Variants in PIP5K1C observed in about 807,000 individuals in gnomAD.
PIP5K1C encodes phosphatidylinositol 4-phosphate 5-kinase type-1 gamma.
A neutral mutation model predicts 80.1 loss-of-function variants in PIP5K1C; 45 were observed. The ratio of observed to expected loss-of-function variants is 0.56; its 90% CI spans 0.44 to 0.72. The LOEUF is 0.72. Among genes scored for constraint, PIP5K1C ranks in the 30% least tolerant of loss-of-function variants. The probability of loss-of-function intolerance (pLI) is 0.00; values close to 1 mark genes in which losing one functional copy is unlikely to be tolerated. For synonymous variants in PIP5K1C, 498 were observed against 420.1 expected, an observed-to-expected ratio of 1.19 and a Z score of -2.27; for missense variants, 753 against 954.6, an observed-to-expected ratio of 0.79 and a Z score of 2.78.
At chr19:3,667,471 G>T in intron 1 of PIP5K1C, 118 bp from the exon 2 acceptor site, 4 of 1,104,202 alleles carry the variant, frequency 3.6e-6, no homozygotes, top group East Asian at 2.4e-5. Context: ...TCCGCGTGGG[G>T]CTGGTCTCAA....
At chr19:3,664,623 C>T (rs553406884) in intron 3 of PIP5K1C, among the ~76,000 whole-genome samples, 199 bp downstream of exon 3, 11 of 152,344 alleles carry the variant, frequency 7.2e-5, no homozygotes, top group African/African-American at 2.6e-4. Context: ...GCTGCCCGGC[C>T]GCCCGGCAAG....
chr19:3,648,660 C>CA lies in PIP5K1C; in HGVS notation c.1175dup (p.His393AlafsTer90). ...GCAGGATGTCGATGATGCCAATGTGCAGCAGCAGCCGCTCCCCGCGGCCGT... is the reference window on the plus strand; with the variant it reads ...GCAGGATGTCGATGATGCCAATGTGCAAGCAGCAGCCGCTCCCCGCGGCCGT... On this transcript the variant is annotated frameshift_variant, in exon 9 of 18. Transcript: ENST00000335312. LOFTEE classifies it high-confidence loss of function. This position sits in a 1 kb window ranked among gnomAD's most constrained non-coding sequence, Gnocchi z 4.3. The CA allele has an allele frequency of 6.2e-7, 1 of 1,612,970 alleles. No individual in the cohort carries two copies. Among genetic ancestry groups the CA allele is most frequent in the Non-Finnish European group, 8.5e-7 (1 of 1,179,860 alleles).
intron 1 of PIP5K1C, among the ~76,000 whole-genome samples, chr19:3,686,237 G>C (rs1004559983): frequency 3.9e-5 from 6 of 152,046 alleles, no homozygotes; most frequent in Non-Finnish European, 7.4e-5. Context: ...CTAGCACTTT[G>C]GGAGGCCGAT....
At position 3,693,566 on chromosome 19, in the gene PIP5K1C, C is replaced by CCAGGCGG. The variant is rs544513479; in HGVS notation, c.94+6724_94+6730dup. Reference sequence around the variant, plus strand: ...TGCGTGAAGGGACATGCTGCCGGGGCCAGGCGGCAGGCGGCAGGCGGCAGG... The same window carrying CCAGGCGG: ...TGCGTGAAGGGACATGCTGCCGGGGCCAGGCGGCAGGCGGCAGGCGGCAGGCGGCAGG... On this transcript the variant is annotated intron_variant, in intron 1 of 17. Coordinates refer to ENST00000335312, the MANE Select transcript of PIP5K1C (RefSeq NM_012398.3). 5.9e-4 allele frequency among the ~76,000 whole-genome samples: 90 copies of CCAGGCGG among 152,332 alleles called. 2 individuals carry two copies. The South Asian group carries it at 0.013, about 23-fold the overall frequency.
chr19:3,685,263 ATG>A (rs1232769049), intron 1 of PIP5K1C, among the ~76,000 whole-genome samples: 1 of 152,196 alleles, frequency 6.6e-6, no homozygotes, highest in African/African-American at 2.4e-5. Context: ...AGCATTTCTA[ATG>A]TGTGTGCCCT....
intron 1 of PIP5K1C, among the ~76,000 whole-genome samples, chr19:3,678,654 AGATGGCGAGATGGAGG>A (rs1279224884): frequency 9.2e-4 from 77 of 83,862 alleles, no homozygotes; most frequent in African/African-American, 1.2e-3. Context: ...AGAGATGGAG[AGATGGCGAGATGGAGG>A]GATGGCGAGA....
Position 3,642,954 on chromosome 19 carries a change from C to T in PIP5K1C, c.1650-15G>A. The T allele has an allele frequency of 6.2e-7, 1 of 1,613,502 alleles. No homozygotes were observed. Among genetic ancestry groups the T allele is most frequent in the Non-Finnish European group, 8.5e-7 (1 of 1,179,820 alleles). The stretch of plus-strand genomic sequence containing the variant: ...GTGTGCGCCGCCTGCAGAGATACAG[C>T]AAACACGTGACACCCAGAAAGAGAG... On this transcript the variant is annotated splice_polypyrimidine_tract_variant and intron_variant, in intron 13 of 17. Coordinates refer to ENST00000335312, the MANE Select transcript of PIP5K1C (RefSeq NM_012398.3).
intron 1 of PIP5K1C, among the ~76,000 whole-genome samples, chr19:3,675,728 T>G (rs1410751265): frequency 4.6e-5 from 7 of 151,918 alleles, no homozygotes; most frequent in Admixed American, 3.9e-4. Flanking sequence ...CAAACCAGGA[T>G]CTCCCCCCTC....
In PIP5K1C at chr19:3,644,091, G is replaced by A. The variant is rs147371549; in HGVS notation, c.1506C>T (p.Asp502=). 1.6e-4 allele frequency: 264 copies of A among 1,610,844 alleles called. 1 individual carries two copies. In the East Asian group the frequency reaches 3.4e-3, roughly 21 times the overall value. ...RGARSYPTLE[D]EGRPDLLPCT... ...ACTCTGCCCTCTGCCCCTCACCTTC[G>A]TCCTCCAGCGTGGGGTAGCTGCGGG... Residue 502 remains aspartate (D), a synonymous_variant, in exon 12 of 18, where the codon GAC becomes GAT. Transcript: ENST00000335312.
intron 1 of PIP5K1C, among the ~76,000 whole-genome samples, chr19:3,691,244 G>A (rs533342645): frequency 2.3e-4 from 35 of 152,344 alleles, no homozygotes; most frequent in Admixed American, 2.1e-3. Context: ...AGATGGACGC[G>A]TCCTCCGCTG....
intron 1 of PIP5K1C, among the ~76,000 whole-genome samples, chr19:3,674,968 TCA>T (rs1009807009): frequency 2.6e-5 from 4 of 152,102 alleles, no homozygotes; most frequent in African/African-American, 9.7e-5. Context: ...CTTGAAGACG[TCA>T]CACTCAGTGA....
Position 3,643,248 on chromosome 19 carries a change from C to T in PIP5K1C, c.1644G>A (p.Arg548=), listed in dbSNP as rs759715712. The change falls in exon 13 of 18, where the codon CGG becomes CGA. Residue 548 remains arginine, a synonymous_variant. Coordinates refer to ENST00000335312, the MANE Select transcript of PIP5K1C (RefSeq NM_012398.3). ...RSPSETSEQP[R]YRRRTQSSGQ... Reference sequence around the variant, plus strand: ...ACTGCGGATGCCTCGCCCACCTGTACCGCGGCTGCTCCGACGTCTCCGAGG... The same window carrying T: ...ACTGCGGATGCCTCGCCCACCTGTATCGCGGCTGCTCCGACGTCTCCGAGG... 15 of 1,613,468 alleles carry T rather than the reference C, an allele frequency of 9.3e-6. No homozygotes were observed. The East Asian group carries it at 2.7e-4, about 29-fold the overall frequency.
chr19:3,679,251 C>A (rs2035513379), intron 1 of PIP5K1C, among the ~76,000 whole-genome samples: 1 of 152,062 alleles, frequency 6.6e-6, no homozygotes, highest in African/African-American at 2.4e-5. Context: ...ACAGAGGATG[C>A]CCCCAAGCTC....
chr19:3,646,888 G>A (rs1001424694), intron 10 of PIP5K1C, among the ~76,000 whole-genome samples: 1 of 151,988 alleles, frequency 6.6e-6, no homozygotes, highest in Non-Finnish European at 1.5e-5. Flanking sequence ...AGGCTGGGAC[G>A]ACAGACAGGA....
At chr19:3,687,748 T>G (rs1408053796) in intron 1 of PIP5K1C, among the ~76,000 whole-genome samples, 1 of 152,084 alleles carries the variant, frequency 6.6e-6, no homozygotes, top group Non-Finnish European at 1.5e-5. Flanking sequence ...ACCCGAGTAG[T>G]AGGCCGCCCC....
chr19:3,659,422 G>A (rs1156814293), intron 5 of PIP5K1C, among the ~76,000 whole-genome samples: 1 of 152,244 alleles, frequency 6.6e-6, no homozygotes, highest in Admixed American at 6.5e-5. Flanking sequence ...CGGGTTCTAG[G>A]TGAGACCCAG....
In PIP5K1C at chr19:3,694,773, C is replaced by T. The variant is rs1340057455; in HGVS notation, c.94+5524G>A. Among the ~76,000 whole-genome samples the T allele has an allele frequency of 5.3e-5, 8 of 152,376 alleles. 1 individual carries two copies. In the East Asian group the frequency reaches 1.5e-3, roughly 29 times the overall value. On this transcript the variant is annotated intron_variant, in intron 1 of 17. Transcript: ENST00000335312. Reference sequence around the variant, plus strand: ...TGAGCCACAGCCCACCCTTATTCAGCTCGTGGGGACAGTCACCTCCCTCCG... The same window carrying T: ...TGAGCCACAGCCCACCCTTATTCAGTTCGTGGGGACAGTCACCTCCCTCCG...
rs554546475 is a variant in PIP5K1C, at chr19:3,690,576, C to G, written c.94+9721G>C. ...TAATCATAACCTCAGAACAGGAAGA[C>G]TTTCCCATTCATGACACCAAACTAG... On this transcript the variant is annotated intron_variant, in intron 1 of 17. Transcript: ENST00000335312. Among the ~76,000 whole-genome samples, 3 of 151,946 alleles carry G rather than the reference C, an allele frequency of 2.0e-5. No individual in the cohort carries two copies. In the East Asian group the frequency reaches 5.8e-4, roughly 29 times the overall value.
intron 4 of PIP5K1C, 138 bp from the exon 5 acceptor site, chr19:3,661,221 C>A: frequency 1.6e-6 from 1 of 616,388 alleles, no homozygotes. Context: ...ACGGCCCAAT[C>A]CCACAAGCAA....
Sources: gnomAD v4.1 joint callset for allele counts (sites outside exome capture counted in the v4.1 genomes callset) on GRCh38, gnomAD v4.1.1 for gene constraint, Gnocchi (gnomAD v3.1) non-coding constraint, MANE v1.5 for transcripts, NCBI Gene and HGNC (gene_info 2026-07-23, HGNC 2026-07-21) for gene names.